The following OR52A1 variants were observed in gnomAD, a reference collection of about 807,000 sequenced individuals.
The protein encoded by OR52A1 is olfactory receptor family 52 subfamily A member 1, also known as olfactory receptor 52A1.
In OR52A1, 14 loss-of-function variants were observed where a neutral mutation model predicts 14.3. The observed-to-expected ratio is 0.98, with a 90% CI of 0.65 to 1.54. OR52A1 has a LOEUF of 1.54. Among genes scored for constraint, OR52A1 ranks in the 40% most tolerant of loss-of-function variants. The pLI is 0.00. For synonymous variants in OR52A1, 151 were observed against 135.3 expected (o/e 1.12, Z -0.80); for missense variants, 405 against 381.3 (o/e 1.06, Z -0.52).
Position 5,149,458 on chromosome 11 carries a change from A to C in OR52A1, c.*1973T>G, listed in dbSNP as rs529740185. The C allele has an allele frequency of 1.3e-5, 2 of 152,214 alleles. No individual in the cohort carries two copies. The highest frequency in any genetic ancestry group is 1.3e-4 in the Admixed American group (2 of 15,278). 9.4% of individuals were successfully genotyped at this position (152,214 alleles called of 1,614,324 possible). On this transcript the variant is annotated 3_prime_UTR_variant, in exon 2 of 2. Coordinates refer to ENST00000380367, the MANE Select transcript of OR52A1 (RefSeq NM_012375.3). ...ATGAATATTTGTAATCAATTTGGTG[A>C]TGGGGAAACTCTAACTTTCAGCTAC...
rs569886972 is a variant in OR52A1, at chr11:5,154,189, ACT to A, written c.-322+256_-322+257del. On this transcript the variant is annotated intron_variant, in intron 1 of 1. Coordinates refer to ENST00000380367, the MANE Select transcript of OR52A1 (RefSeq NM_012375.3). Reference sequence around the variant, plus strand: ...CCTTTAATGGCAATCACAATGTCTGACTTATTCAAGACCAAAGAGCTGACATG... The same window carrying A: ...CCTTTAATGGCAATCACAATGTCTGATATTCAAGACCAAAGAGCTGACATG... Among the ~76,000 whole-genome samples the A allele has an allele frequency of 2.8e-3, 423 of 152,286 alleles. 2 individuals are homozygous for A. Among genetic ancestry groups the A allele is most frequent in the Non-Finnish European group, 4.6e-3 (312 of 68,000 alleles).
In OR52A1 at chr11:5,150,407, T is replaced by A. The variant is rs2133534728; in HGVS notation, c.*1024A>T. 6.6e-6 allele frequency: 1 copy of A among 152,286 alleles called. No individual in the cohort carries two copies. Among genetic ancestry groups the A allele is most frequent in the Middle Eastern group, 3.4e-3 (1 of 294 alleles). 9.4% of individuals were successfully genotyped at this position (152,286 alleles called of 1,614,324 possible). A position where few individuals can be genotyped will look rare whatever the true frequency, so the allele number is the denominator to read the frequency against. ...AGTTCTACCTTGCACTCATACCATA[T>A]TGAAAAAACTAGAGTTACCTTAAAC... On this transcript the variant is annotated 3_prime_UTR_variant, in exon 2 of 2. Transcript: ENST00000380367.
rs1242659717 is a variant in OR52A1, at chr11:5,151,659, C to T, written c.711G>A (p.Arg237=). ...TVFRLPQKEA[R]FKAFNTCIAH... is the part of the protein sequence containing the mutation. Reference sequence around the variant, plus strand: ...CAATGCAGGTATTGAATGCTTTAAACCTAGCCTCCTTCTGGGGCAAACGAA... The same window carrying T: ...CAATGCAGGTATTGAATGCTTTAAATCTAGCCTCCTTCTGGGGCAAACGAA... The change falls in exon 2 of 2, where the codon AGG becomes AGA. Residue 237 remains arginine, a synonymous_variant. Transcript: ENST00000380367. The T allele has an allele frequency of 6.2e-7, 1 of 1,614,164 alleles. No individual in the cohort carries two copies. Among genetic ancestry groups the T allele is most frequent in the South Asian group, 1.1e-5 (1 of 91,078 alleles).
rs1013410421 is a variant in OR52A1 at position 5,146,970 on chromosome 11, T to C, written c.*4461A>G. 6.6e-6 allele frequency: 1 copy of C among 152,224 alleles called. No homozygotes were observed. Among genetic ancestry groups the C allele is most frequent in the African/African-American group, 2.4e-5 (1 of 41,466 alleles). 9.4% of individuals were successfully genotyped at this position (152,224 alleles called of 1,614,324 possible). On this transcript the variant is annotated 3_prime_UTR_variant, in exon 2 of 2. Transcript: ENST00000380367. ...TATTTATCAGAACTCTATCATACATTTCACTTTCAGTTTTTACTTCTTTAA... is the reference window on the plus strand; with the variant it reads ...TATTTATCAGAACTCTATCATACATCTCACTTTCAGTTTTTACTTCTTTAA...
rs1344029808 is a variant in OR52A1 at position 5,150,415 on chromosome 11, A to C, written c.*1016T>G. 1 of 152,116 alleles carries C rather than the reference A, an allele frequency of 6.6e-6. No individual in the cohort carries two copies. Among genetic ancestry groups the C allele is most frequent in the East Asian group, 1.9e-4 (1 of 5,202 alleles). 9.4% of individuals were successfully genotyped at this position (152,116 alleles called of 1,614,324 possible). ...CTTGCACTCATACCATATTGAAAAAACTAGAGTTACCTTAAACTACATTAT... is the reference window on the plus strand; with the variant it reads ...CTTGCACTCATACCATATTGAAAAACCTAGAGTTACCTTAAACTACATTAT... On this transcript the variant is annotated 3_prime_UTR_variant, in exon 2 of 2. Coordinates refer to ENST00000380367, the MANE Select transcript of OR52A1 (RefSeq NM_012375.3).
rs1464280081 is a variant in OR52A1, at chr11:5,147,946, A to G, written c.*3485T>C. On this transcript the variant is annotated 3_prime_UTR_variant, in exon 2 of 2. Coordinates refer to ENST00000380367, the MANE Select transcript of OR52A1 (RefSeq NM_012375.3). ...TAGCTAGGAATCACTTGCATTTTTA[A>G]TACTGTTTAAATACAGGCATACAGC... 6.6e-6 allele frequency: 1 copy of G among 151,914 alleles called. No homozygotes were observed. The highest frequency in any genetic ancestry group is 1.5e-5 in the Non-Finnish European group (1 of 67,996). The allele number at this position is 151,914 out of a possible 1,614,324, so 9.4% of individuals were successfully genotyped here.
chr11:5,153,226 T>C (rs1846569650), intron 1 of OR52A1, among the ~76,000 whole-genome samples: 1 of 152,204 alleles, frequency 6.6e-6, no homozygotes, highest in Admixed American at 6.5e-5. Context: ...TACTGAATAA[T>C]GGGCAAATGA....
Position 5,152,411 on chromosome 11 carries a change from AG to A in OR52A1, c.-43del. The stretch of plus-strand genomic sequence containing the variant: ...CTGATGCAAACAAAAGAAGTTTCTC[AG>A]TCAGTGTTACTGTTCCTCTTCTGCT... On this transcript the variant is annotated 5_prime_UTR_variant, in exon 2 of 2. It adds an upstream start codon to the 5' untranslated region. Coordinates refer to ENST00000380367, the MANE Select transcript of OR52A1 (RefSeq NM_012375.3). The A allele has an allele frequency of 7.1e-7, 1 of 1,406,630 alleles. No homozygotes were observed. The highest frequency in any genetic ancestry group is 1.3e-5 in the South Asian group (1 of 74,686). The allele number at this position is 1,406,630 out of a possible 1,614,324, so 87.1% of individuals were successfully genotyped here.
chr11:5,152,257 A>C lies in OR52A1; in HGVS notation c.113T>G (p.Leu38Arg). ...CAAGGAATTTCCAATCATAGCAATG[A>C]GATAAATGGCACAGAATGGAATCCC... ...WIGIPFCAIY[L>R]IAMIGNSLLL... is the part of the protein sequence containing the mutation. The change falls in exon 2 of 2, where the codon CTC becomes CGC. Residue 38 changes from leucine to arginine, a missense_variant. Coordinates refer to ENST00000380367, the MANE Select transcript of OR52A1 (RefSeq NM_012375.3). The C allele has an allele frequency of 6.2e-7, 1 of 1,614,138 alleles. No homozygotes were observed. The highest frequency in any genetic ancestry group is 2.2e-5 in the East Asian group (1 of 44,878).
chr11:5,154,528 G>C lies in OR52A1; in HGVS notation c.-403C>G, dbSNP rs189330718. ...TGGCTCTACTTTCTGTCTGCACTCT[G>C]TGTAACAGCATCCAGCTAATGTCAT... On this transcript the variant is annotated 5_prime_UTR_variant, in exon 1 of 2. Transcript: ENST00000380367. 6.6e-6 allele frequency: 1 copy of C among 152,296 alleles called. No homozygotes were observed. The highest frequency in any genetic ancestry group is 6.5e-5 in the Admixed American group (1 of 15,308). The allele number at this position is 152,296 out of a possible 1,614,324, so 9.4% of individuals were successfully genotyped here. A position where few individuals can be genotyped will look rare whatever the true frequency, so the allele number is the denominator to read the frequency against.
chr11:5,148,815 G>A lies in OR52A1; in HGVS notation c.*2616C>T, dbSNP rs1402411955. ...TACTTCACATAAAGAATGTACAAAC[G>A]GAAAAGAAGATAGCAGCACAAATAT... On this transcript the variant is annotated 3_prime_UTR_variant, in exon 2 of 2. Coordinates refer to ENST00000380367, the MANE Select transcript of OR52A1 (RefSeq NM_012375.3). 2.6e-5 allele frequency: 4 copies of A among 152,000 alleles called. No individual in the cohort carries two copies. The highest frequency in any genetic ancestry group is 4.4e-5 in the Non-Finnish European group (3 of 67,974). 9.4% of individuals were successfully genotyped at this position (152,000 alleles called of 1,614,324 possible). A position where few individuals can be genotyped will look rare whatever the true frequency, so the allele number is the denominator to read the frequency against.
chr11:5,154,476 C>T lies in OR52A1; in HGVS notation c.-351G>A, dbSNP rs919064441. On this transcript the variant is annotated 5_prime_UTR_variant, in exon 1 of 2. The change abolishes an upstream ATG in the 5' untranslated region. Transcript: ENST00000380367. ...TTTTCTTCTCCAAGGATTCCAGCTTCATTCCCTTAAGTTGTGGGTTCTGTG... is the reference window on the plus strand; with the variant it reads ...TTTTCTTCTCCAAGGATTCCAGCTTTATTCCCTTAAGTTGTGGGTTCTGTG... 10 of 152,236 alleles carry T rather than the reference C, an allele frequency of 6.6e-5. No homozygotes were observed. Among genetic ancestry groups the T allele is most frequent in the Non-Finnish European group, 1.0e-4 (7 of 68,052 alleles). 9.4% of individuals were successfully genotyped at this position (152,236 alleles called of 1,614,324 possible). A position where few individuals can be genotyped will look rare whatever the true frequency, so the allele number is the denominator to read the frequency against.
At position 5,149,406 on chromosome 11, in the gene OR52A1, T is replaced by G. The variant is rs1846518041; in HGVS notation, c.*2025A>C. 1 of 152,148 alleles carries G rather than the reference T, an allele frequency of 6.6e-6. No individual in the cohort carries two copies. The highest frequency in any genetic ancestry group is 1.5e-5 in the Non-Finnish European group (1 of 68,030). 9.4% of individuals were successfully genotyped at this position (152,148 alleles called of 1,614,324 possible). A position where few individuals can be genotyped will look rare whatever the true frequency, so the allele number is the denominator to read the frequency against. The stretch of plus-strand genomic sequence containing the variant: ...CTGGCCTACTTCCTGTTTTCTATAG[T>G]CCACTAGTTAAGAATGATTTTTACA... On this transcript the variant is annotated 3_prime_UTR_variant, in exon 2 of 2. Coordinates refer to ENST00000380367, the MANE Select transcript of OR52A1 (RefSeq NM_012375.3).
chr11:5,153,819 CTTTTTTTT>C (rs58039145), intron 1 of OR52A1, among the ~76,000 whole-genome samples: 2 of 119,002 alleles, frequency 1.7e-5, no homozygotes, highest in South Asian at 2.8e-4. Flanking sequence ...GAAAAAGCAG[CTTTTTTTT>C]TTTTTTTTTT....
intron 1 of OR52A1, 24 bp downstream of exon 1, chr11:5,154,423 A>C (rs1846586018): frequency 1.3e-5 from 2 of 152,208 alleles, no homozygotes; most frequent in African/African-American, 4.8e-5. Flanking sequence ...TCCATTTTTC[A>C]TAACACTTTC....
intron 1 of OR52A1, among the ~76,000 whole-genome samples, chr11:5,153,819 CTTTTTT>C (rs58039145): frequency 9.2e-5 from 11 of 119,002 alleles, no homozygotes; most frequent in South Asian, 2.8e-4. Flanking sequence ...GAAAAAGCAG[CTTTTTT>C]TTTTTTTTTT....
chr11:5,152,016 C>T lies in OR52A1; in HGVS notation c.354G>A (p.Val118=). 6.2e-7 allele frequency: 1 copy of T among 1,614,060 alleles called. No homozygotes were observed. The highest frequency in any genetic ancestry group is 8.5e-7 in the Non-Finnish European group (1 of 1,179,988). Residue 118 remains valine, a synonymous_variant, in exon 2 of 2, where the codon GTG becomes GTA. Transcript: ENST00000380367. ...TLQGIESGIL[V]AMALDRYVAI... Reference sequence around the variant, plus strand: ...CCACATAACGGTCCAGGGCCATGGCCACAAGGATGCCTGACTCTATACCCT... The same window carrying T: ...CCACATAACGGTCCAGGGCCATGGCTACAAGGATGCCTGACTCTATACCCT...
chr11:5,147,377 TA>T lies in OR52A1; in HGVS notation c.*4053del, dbSNP rs1846491938. On this transcript the variant is annotated 3_prime_UTR_variant, in exon 2 of 2. Transcript: ENST00000380367. ...TGGATGAGACTGGCATTTAAATTAA[TA>T]AACTTTGAGTAAAGCATATTGACCT... The T allele has an allele frequency of 6.6e-6, 1 of 152,226 alleles. No homozygotes were observed. Among genetic ancestry groups the T allele is most frequent in the Non-Finnish European group, 1.5e-5 (1 of 68,050 alleles). The allele number at this position is 152,226 out of a possible 1,614,324, so 9.4% of individuals were successfully genotyped here. A position where few individuals can be genotyped will look rare whatever the true frequency, so the allele number is the denominator to read the frequency against.
In OR52A1 at chr11:5,147,003, T is replaced by A. The variant is rs1240090993; in HGVS notation, c.*4428A>T. 2 of 152,188 alleles carry A rather than the reference T, an allele frequency of 1.3e-5. No homozygotes were observed. Among genetic ancestry groups the A allele is most frequent in the African/African-American group, 4.8e-5 (2 of 41,446 alleles). The allele number at this position is 152,188 out of a possible 1,614,324, so 9.4% of individuals were successfully genotyped here. A position where few individuals can be genotyped will look rare whatever the true frequency, so the allele number is the denominator to read the frequency against. ...CAGTTTTTACTTCTTTAATTAAATA[T>A]TTTTTTAAAGCATTTGCACTTATGC... On this transcript the variant is annotated 3_prime_UTR_variant, in exon 2 of 2. Coordinates refer to ENST00000380367, the MANE Select transcript of OR52A1 (RefSeq NM_012375.3).
Sources: allele counts gnomAD v4.1 joint callset (sites outside exome capture counted in the v4.1 genomes callset), GRCh38; gene constraint gnomAD v4.1.1; transcripts MANE v1.5; gene names NCBI Gene and HGNC (gene_info 2026-07-23, HGNC 2026-07-21).